The following ZDHHC3 variants were observed in gnomAD, a reference collection of about 807,000 sequenced individuals.
ZDHHC3 encodes zDHHC palmitoyltransferase 3, also known as palmitoyltransferase ZDHHC3.
In ZDHHC3, 9 loss-of-function variants were observed where a neutral mutation model predicts 30.6. The ratio of observed to expected loss-of-function variants is 0.29; its 90% CI spans 0.18 to 0.51. The LOEUF (loss-of-function observed/expected upper bound fraction) is 0.51, where lower values mean the gene tolerates loss of function less well. Ranked by LOEUF, ZDHHC3 falls within the 20% of genes least tolerant of loss-of-function variation. The probability of loss-of-function intolerance (pLI) is 0.97; values close to 1 mark genes in which losing one functional copy is unlikely to be tolerated. For missense variants in ZDHHC3, 246 were observed against 384.2 expected (o/e 0.64, Z 3.01); for synonymous variants, 136 against 140.2 (o/e 0.97, Z 0.21).
intron 2 of ZDHHC3, among the ~76,000 whole-genome samples, chr3:44,957,403 C>T (rs751724847): frequency 2.0e-5 from 3 of 152,184 alleles, no homozygotes; most frequent in Non-Finnish European, 2.9e-5. Context: ...TATTCCCACA[C>T]CAGTGCCACT....
intron 4 of ZDHHC3, 24 bp downstream of exon 4, chr3:44,933,864 G>A: frequency 6.2e-7 from 1 of 1,607,620 alleles, no homozygotes; most frequent in African/African-American, 1.3e-5. Flanking sequence ...TGGGGGGCAG[G>A]GCAGAATTTG....
intron 2 of ZDHHC3, among the ~76,000 whole-genome samples, chr3:44,950,298 CT>C (rs1199851191): frequency 6.6e-6 from 1 of 152,166 alleles, no homozygotes; most frequent in Non-Finnish European, 1.5e-5. Context: ...TTGAGTTTTC[CT>C]AAATTATGGC....
In ZDHHC3 at chr3:44,921,575, T is replaced by C; in HGVS notation, c.*5114A>G. 1 of 985,448 alleles carries C rather than the reference T, an allele frequency of 1.0e-6. No homozygotes were observed. Among genetic ancestry groups the C allele is most frequent in the Non-Finnish European group, 1.2e-6 (1 of 829,932 alleles). The allele number at this position is 985,448 out of a possible 1,614,324, so 61.0% of individuals were successfully genotyped here. A position where few individuals can be genotyped will look rare whatever the true frequency, so the allele number is the denominator to read the frequency against. On this transcript the variant is annotated 3_prime_UTR_variant, in exon 7 of 7. Coordinates refer to ENST00000424952, the MANE Select transcript of ZDHHC3 (RefSeq NM_001135179.2). ...GCAAACCATGAATGGCTGTGACCAA[T>C]GGTTTGAAAAGCACAGCTCCAACAC...
intron 5 of ZDHHC3, 37 bp downstream of exon 5, chr3:44,933,080 AC>A (rs1307985723): frequency 1.2e-6 from 2 of 1,609,922 alleles, no homozygotes; most frequent in African/African-American, 2.7e-5. Flanking sequence ...TCACACACCC[AC>A]CCTGGAGCAG....
chr3:44,921,027 A>G lies in ZDHHC3; in HGVS notation c.*5662T>C. On this transcript the variant is annotated 3_prime_UTR_variant, in exon 7 of 7. Transcript: ENST00000424952. ...TTCTTAAGCTTGAGGTTTGCAGAGG[A>G]GCAGTAATAGTAGCTTCAGGCTCAA... 1 of 985,406 alleles carries G rather than the reference A, an allele frequency of 1.0e-6. No individual in the cohort carries two copies. Among genetic ancestry groups the G allele is most frequent in the Non-Finnish European group, 1.2e-6 (1 of 829,932 alleles). 61.0% of individuals were successfully genotyped at this position (985,406 alleles called of 1,614,324 possible).
At chr3:44,975,620 C>T (rs899481393) in intron 1 of ZDHHC3, 1 of 152,214 alleles carries the variant, frequency 6.6e-6, no homozygotes, top group Non-Finnish European at 1.5e-5. Flanking sequence ...ACCCTTCCCA[C>T]CAAGAACTAC....
At position 44,959,428 on chromosome 3, in the gene ZDHHC3, A is replaced by G; in HGVS notation, c.9T>C (p.Leu3=). 1 of 1,613,646 alleles carries G rather than the reference A, an allele frequency of 6.2e-7. No individual in the cohort carries two copies. The change falls in exon 2 of 7, where the codon CTT becomes CTC. Residue 3 remains leucine (L), a synonymous_variant. Coordinates refer to ENST00000424952, the MANE Select transcript of ZDHHC3 (RefSeq NM_001135179.2). This position sits in a 1 kb window ranked among gnomAD's most constrained non-coding sequence, Gnocchi z 4.3. ...TGTTTCGGAAGTGGTGGGTGGGGAT[A>G]AGCATCATAAGCTATTCTGTCCATA... is the stretch of plus-strand genomic sequence containing the variant. MM[L]IPTHHFRNIE...
chr3:44,975,782 A>T (rs1214118781), intron 1 of ZDHHC3, among the ~76,000 whole-genome samples, 151 bp downstream of exon 1: 1 of 150,734 alleles, frequency 6.6e-6, no homozygotes, highest in Non-Finnish European at 1.5e-5. Flanking sequence ...TCACACACAC[A>T]CACACACACA....
intron 1 of ZDHHC3, among the ~76,000 whole-genome samples, chr3:44,961,913 G>A (rs1463501831): frequency 6.6e-6 from 1 of 152,234 alleles, no homozygotes. Context: ...TTGAATAGCT[G>A]TAACCCACAA....
rs1469064716 is a variant in ZDHHC3, at chr3:44,915,305, G to T, written c.*11384C>A. The T allele has an allele frequency of 2.6e-5, 4 of 152,216 alleles. No individual in the cohort carries two copies. The highest frequency in any genetic ancestry group is 9.7e-5 in the African/African-American group (4 of 41,426). 9.4% of individuals were successfully genotyped at this position (152,216 alleles called of 1,614,324 possible). A position where few individuals can be genotyped will look rare whatever the true frequency, so the allele number is the denominator to read the frequency against. On this transcript the variant is annotated 3_prime_UTR_variant, in exon 7 of 7. Transcript: ENST00000424952. ...TTTTATTCAAAGAAAGAGGCAAATT[G>T]CACCCAATCTCTCTCCCTGTAAGAT...
At chr3:44,927,830 T>C (rs1334521927) in intron 6 of ZDHHC3, among the ~76,000 whole-genome samples, 3 of 152,184 alleles carry the variant, frequency 2.0e-5, no homozygotes, top group African/African-American at 7.2e-5. Flanking sequence ...TGGTCTCTAG[T>C]AAAGGGGTGC....
At position 44,923,930 on chromosome 3, in the gene ZDHHC3, A is replaced by G. The variant is rs1700792057; in HGVS notation, c.*2759T>C. Reference sequence around the variant, plus strand: ...TTACCAAGCCCATGCAAATATGCATAGATTATAGATTTGCTTGGATCTAAG... The same window carrying G: ...TTACCAAGCCCATGCAAATATGCATGGATTATAGATTTGCTTGGATCTAAG... On this transcript the variant is annotated 3_prime_UTR_variant, in exon 7 of 7. Coordinates refer to ENST00000424952, the MANE Select transcript of ZDHHC3 (RefSeq NM_001135179.2). 1.0e-6 allele frequency: 1 copy of G among 985,352 alleles called. No homozygotes were observed. Among genetic ancestry groups the G allele is most frequent in the Non-Finnish European group, 1.2e-6 (1 of 829,938 alleles). 61.0% of individuals were successfully genotyped at this position (985,352 alleles called of 1,614,324 possible).
chr3:44,944,366 G>A (rs1702726767), intron 3 of ZDHHC3, among the ~76,000 whole-genome samples: 1 of 152,018 alleles, frequency 6.6e-6, no homozygotes, highest in Admixed American at 6.6e-5. Context: ...GGCTGGTCTC[G>A]AACTCCTGAC....
At chr3:44,967,271 A>C (rs1189032746) in intron 1 of ZDHHC3, among the ~76,000 whole-genome samples, 1 of 152,222 alleles carries the variant, frequency 6.6e-6, no homozygotes, top group Non-Finnish European at 1.5e-5. Flanking sequence ...CCTTCATTTC[A>C]GAAAACAGTC....
chr3:44,960,263 TG>T (rs761283594), intron 1 of ZDHHC3, among the ~76,000 whole-genome samples: 7 of 152,156 alleles, frequency 4.6e-5, no homozygotes, highest in Non-Finnish European at 1.0e-4. Context: ...TCCTCACCTG[TG>T]AAAACACCTA....
At position 44,919,069 on chromosome 3, in the gene ZDHHC3, T is replaced by C. The variant is rs6789458; in HGVS notation, c.*7620A>G. 0.52 allele frequency: 507,890 copies of C among 984,162 alleles called. 134,414 individuals carry two copies. Among genetic ancestry groups the C allele is most frequent in the East Asian group, 0.9 (7,957 of 8,814 alleles). 61.0% of individuals were successfully genotyped at this position (984,162 alleles called of 1,614,324 possible). On this transcript the variant is annotated 3_prime_UTR_variant, in exon 7 of 7. Coordinates refer to ENST00000424952, the MANE Select transcript of ZDHHC3 (RefSeq NM_001135179.2). ...CTAGCACTTTTTCTTCCCACGCCAT[T>C]TCAGAGATTTAAGATTCTTGACTTT...
rs191549837 is a variant in ZDHHC3 at position 44,917,925 on chromosome 3, G to A, written c.*8764C>T. 2.7e-4 allele frequency: 352 copies of A among 1,304,750 alleles called. 2 individuals carry two copies. The African/African-American group carries it at 4.6e-3, about 17-fold the overall frequency. The allele number at this position is 1,304,750 out of a possible 1,614,324, so 80.8% of individuals were successfully genotyped here. Reference sequence around the variant, plus strand: ...CATCTGTCACCTCCACAGAGTCCTCGTCCTTTGTCTCCTCTGATGGATCCT... The same window carrying A: ...CATCTGTCACCTCCACAGAGTCCTCATCCTTTGTCTCCTCTGATGGATCCT... On this transcript the variant is annotated 3_prime_UTR_variant, in exon 7 of 7. Transcript: ENST00000424952.
intron 2 of ZDHHC3, among the ~76,000 whole-genome samples, chr3:44,957,358 C>G (rs1208630958): frequency 6.6e-6 from 1 of 152,232 alleles, no homozygotes; most frequent in African/African-American, 2.4e-5. Context: ...CAATCTCTCA[C>G]AGAATGGGCA....
At chr3:44,968,073 G>A (rs528575209) in intron 1 of ZDHHC3, among the ~76,000 whole-genome samples, 8 of 152,288 alleles carry the variant, frequency 5.3e-5, no homozygotes, top group Admixed American at 3.3e-4. Context: ...GGTGGAGCCA[G>A]GATTCAAAAC....
Sources: gnomAD v4.1 joint callset for allele counts (sites outside exome capture counted in the v4.1 genomes callset) on GRCh38, gnomAD v4.1.1 for gene constraint, Gnocchi (gnomAD v3.1) non-coding constraint, MANE v1.5 for transcripts, NCBI Gene and HGNC (gene_info 2026-07-23, HGNC 2026-07-21) for gene names.